Variants in SLC41A2 observed in about 807,000 individuals in gnomAD.
SLC41A2 encodes solute carrier family 41 member 2.
SLC41A2 carries 32 observed loss-of-function variants against 58.3 expected under a neutral mutation model. The observed-to-expected ratio is 0.55, with a 90% CI of 0.41 to 0.74. The LOEUF (loss-of-function observed/expected upper bound fraction) is 0.74, where lower values mean the gene tolerates loss of function less well. Among genes scored for constraint, SLC41A2 ranks in the 30% least tolerant of loss-of-function variants. SLC41A2 has a pLI of 0.00. For synonymous variants in SLC41A2, 190 were observed against 235.0 expected, an observed-to-expected ratio of 0.81 and a Z score of 1.75; for missense variants, 514 against 680.6, an observed-to-expected ratio of 0.76 and a Z score of 2.72.
intron 2 of SLC41A2, among the ~76,000 whole-genome samples, chr12:104,926,233 T>C (rs897801803): frequency 3.9e-5 from 6 of 152,144 alleles, no homozygotes; most frequent in Non-Finnish European, 1.5e-5. Flanking sequence ...GAACAAAATG[T>C]CACATTTTGG....
chr12:104,904,633 C>G (rs1208276978), intron 3 of SLC41A2, among the ~76,000 whole-genome samples: 1 of 151,974 alleles, frequency 6.6e-6, no homozygotes, highest in Admixed American at 6.6e-5. Context: ...TGGAGTCTGT[C>G]CCTTCTGATG....
chr12:104,917,045 A>G (rs1210204304), intron 2 of SLC41A2, among the ~76,000 whole-genome samples: 5 of 150,330 alleles, frequency 3.3e-5, no homozygotes, highest in African/African-American at 7.3e-5. Context: ...GCAACCTACA[A>G]AATGGGAGAA....
At chr12:104,819,821 C>T (rs1399693610) in intron 10 of SLC41A2, among the ~76,000 whole-genome samples, 1 of 152,186 alleles carries the variant, frequency 6.6e-6, no homozygotes, top group East Asian at 1.9e-4. Context: ...AATCCCCTTT[C>T]CCCAACCCTT....
At chr12:104,883,449 G>A (rs2044490415) in intron 6 of SLC41A2, among the ~76,000 whole-genome samples, 2 of 152,184 alleles carry the variant, frequency 1.3e-5, no homozygotes, top group South Asian at 4.1e-4. Flanking sequence ...CCCCATCTTT[G>A]TGGTTTTATC....
intron 7 of SLC41A2, among the ~76,000 whole-genome samples, chr12:104,864,286 G>C (rs573071440): frequency 6.6e-6 from 1 of 152,268 alleles, no homozygotes; most frequent in Non-Finnish European, 1.5e-5. Context: ...CAAAGGGGTA[G>C]AGGGGCAGTA....
chr12:104,807,204 A>G lies in SLC41A2; in HGVS notation c.1537-1867T>C, dbSNP rs551004758. Among the ~76,000 whole-genome samples the G allele has an allele frequency of 2.3e-3, 354 of 152,314 alleles. 2 individuals are homozygous for G. Among genetic ancestry groups the G allele is most frequent in the African/African-American group, 8.0e-3 (334 of 41,560 alleles). ...TAGGGTTTTTATGGTTTTAGGTCTA[A>G]CATTTAAGTCTTTAATCCATCTCGA... On this transcript the variant is annotated intron_variant, in intron 10 of 10. Transcript: ENST00000258538.
chr12:104,958,204 C>A lies in SLC41A2; in HGVS notation c.-284G>T, dbSNP rs1172783142. 1 of 151,628 alleles carries A rather than the reference C, an allele frequency of 6.6e-6. No homozygotes were observed. Among genetic ancestry groups the A allele is most frequent in the Non-Finnish European group, 1.5e-5 (1 of 67,968 alleles). 9.4% of individuals were successfully genotyped at this position (151,628 alleles called of 1,614,324 possible). ...GGGGCATTCACCTGGTGCCCGGCAC[C>A]GGTGGTGGCGGGGAGGACAGCGGCT... is the stretch of plus-strand genomic sequence containing the variant. On this transcript the variant is annotated 5_prime_UTR_variant, in exon 1 of 11. Transcript: ENST00000258538.
At chr12:104,953,223 G>C (rs1374786216) in intron 1 of SLC41A2, among the ~76,000 whole-genome samples, 1 of 152,172 alleles carries the variant, frequency 6.6e-6, no homozygotes, top group Non-Finnish European at 1.5e-5. Context: ...AAGAGATTTA[G>C]TTATTTCCAA....
chr12:104,944,883 AAAG>A (rs1482772902), intron 1 of SLC41A2, among the ~76,000 whole-genome samples: 15 of 151,988 alleles, frequency 9.9e-5, no homozygotes, highest in African/African-American at 3.6e-4. Context: ...AAAAAAAAAA[AAAG>A]GTCAGGCATC....
At chr12:104,836,845 C>T (rs954878156) in intron 10 of SLC41A2, among the ~76,000 whole-genome samples, 1 of 152,170 alleles carries the variant, frequency 6.6e-6, no homozygotes, top group Non-Finnish European at 1.5e-5. Flanking sequence ...GGAGTAACAA[C>T]AGATGATTTT....
intron 8 of SLC41A2, among the ~76,000 whole-genome samples, chr12:104,858,437 A>AT (rs1333548554): frequency 6.6e-6 from 1 of 152,240 alleles, no homozygotes; most frequent in Non-Finnish European, 1.5e-5. Context: ...CACAACATGT[A>AT]TAAAAAAAAC....
chr12:104,910,939 T>C (rs1187096878), intron 2 of SLC41A2, among the ~76,000 whole-genome samples: 1 of 152,216 alleles, frequency 6.6e-6, no homozygotes, highest in East Asian at 1.9e-4. Context: ...GTCTGGCAAC[T>C]TTTTAAGTCT....
At position 104,833,666 on chromosome 12, in the gene SLC41A2, G is replaced by A. The variant is rs575442647; in HGVS notation, c.1536+10806C>T. Among the ~76,000 whole-genome samples the A allele has an allele frequency of 5.0e-4, 76 of 152,112 alleles. No individual in the cohort carries two copies. In the Middle Eastern group the frequency reaches 0.01, roughly 20 times the overall value. ...ACAAAAATATAATTTAATTACCTTT[G>A]TTACACTGAACTAATACAAATGTTT... On this transcript the variant is annotated intron_variant, in intron 10 of 10. Transcript: ENST00000258538.
intron 4 of SLC41A2, among the ~76,000 whole-genome samples, chr12:104,893,218 G>T (rs181588958): frequency 6.6e-6 from 1 of 152,244 alleles, no homozygotes; most frequent in Admixed American, 6.5e-5. Flanking sequence ...TTTCTCAAAA[G>T]AAGACATACA....
At chr12:104,954,974 C>T (rs1253836321) in intron 1 of SLC41A2, among the ~76,000 whole-genome samples, 4 of 148,234 alleles carry the variant, frequency 2.7e-5, no homozygotes, top group African/African-American at 5.0e-5. Flanking sequence ...CAAAGAACCT[C>T]GTCAAGTGAG....
chr12:104,948,470 T>C (rs1426126666), intron 1 of SLC41A2, among the ~76,000 whole-genome samples: 1 of 152,204 alleles, frequency 6.6e-6, no homozygotes. Flanking sequence ...AAAGAATTGC[T>C]TTCTCTTATA....
chr12:104,898,420 T>C (rs1236581903), intron 3 of SLC41A2, among the ~76,000 whole-genome samples: 3 of 151,944 alleles, frequency 2.0e-5, no homozygotes, highest in Admixed American at 6.6e-5. Flanking sequence ...ATTATAGATT[T>C]ATAAATATAG....
At chr12:104,904,868 G>GAGC (rs566281309) in intron 3 of SLC41A2, among the ~76,000 whole-genome samples, 97 of 152,274 alleles carry the variant, frequency 6.4e-4, no homozygotes, top group African/African-American at 2.3e-3. Flanking sequence ...CCCAAAGAGT[G>GAGC]AGCAGTAGCA....
chr12:104,933,733 C>T (rs925057181), intron 1 of SLC41A2, among the ~76,000 whole-genome samples: 5 of 150,042 alleles, frequency 3.3e-5, no homozygotes, highest in Non-Finnish European at 5.9e-5. Flanking sequence ...AAATACTGCT[C>T]AGCCATAAAA....
Sources: gnomAD v4.1 joint callset for allele counts (sites outside exome capture counted in the v4.1 genomes callset) on GRCh38, gnomAD v4.1.1 for gene constraint, MANE v1.5 for transcripts, NCBI Gene and HGNC (gene_info 2026-07-23, HGNC 2026-07-21) for gene names.